Variants in SYT1 observed in about 807,000 individuals in gnomAD.
SYT1 encodes synaptotagmin-1.
In SYT1, 8 loss-of-function variants were observed where a neutral mutation model predicts 44.8. That is an observed-to-expected ratio of 0.18 (90% confidence interval 0.10 to 0.32). The LOEUF (loss-of-function observed/expected upper bound fraction) is 0.32. Among genes scored for constraint, SYT1 ranks in the 10% least tolerant of loss-of-function variants. The probability of loss-of-function intolerance (pLI) is 1.00; values close to 1 mark genes in which losing one functional copy is unlikely to be tolerated. For missense variants in SYT1, 286 were observed against 509.3 expected (o/e 0.56, Z 4.22); for synonymous variants, 154 against 188.8 (o/e 0.82, Z 1.51).
intron 3 of SYT1, among the ~76,000 whole-genome samples, chr12:79,165,295 C>G (rs956139308): frequency 6.6e-6 from 1 of 151,776 alleles, no homozygotes; most frequent in African/African-American, 2.4e-5. Context: ...AATTACATAG[C>G]TTATGTGGTA....
At chr12:79,009,888 G>A (rs1257288190) in intron 2 of SYT1, among the ~76,000 whole-genome samples, 5 of 151,966 alleles carry the variant, frequency 3.3e-5, no homozygotes, top group Non-Finnish European at 7.4e-5. Flanking sequence ...TAGCACAGAC[G>A]GCATCCTCTA....
At chr12:79,116,658 A>G (rs750556508) in intron 3 of SYT1, among the ~76,000 whole-genome samples, 5 of 152,150 alleles carry the variant, frequency 3.3e-5, no homozygotes, top group Non-Finnish European at 7.4e-5. Context: ...AGTCTTTCCC[A>G]TATTCTTCCC....
chr12:79,396,360 A>G (rs1451876408), intron 9 of SYT1, among the ~76,000 whole-genome samples: 1 of 152,216 alleles, frequency 6.6e-6, no homozygotes, highest in Non-Finnish European at 1.5e-5. Flanking sequence ...TATTAAATGT[A>G]TAAGTATTAA....
At chr12:79,143,380 T>C (rs932812383) in intron 3 of SYT1, among the ~76,000 whole-genome samples, 3 of 152,242 alleles carry the variant, frequency 2.0e-5, no homozygotes, top group African/African-American at 7.2e-5. Flanking sequence ...TAACTTTCAC[T>C]GGTTTATATC....
rs1189677370 is a variant in SYT1 at position 79,450,279 on chromosome 12, G to GAAAAAC, written c.*1168_*1173dup. The GAAAAAC allele has an allele frequency of 3.9e-5, 6 of 152,374 alleles. No homozygotes were observed. Among genetic ancestry groups the GAAAAAC allele is most frequent in the Admixed American group, 3.3e-4 (5 of 15,260 alleles). 9.4% of individuals were successfully genotyped at this position (152,374 alleles called of 1,614,324 possible). A position where few individuals can be genotyped will look rare whatever the true frequency, so the allele number is the denominator to read the frequency against. ...ATTGTAATCCCATCAAAAGATGAAA[G>GAAAAAC]AAAAACAAAAACAAAAACCAACAAC... is the stretch of plus-strand genomic sequence containing the variant. On this transcript the variant is annotated 3_prime_UTR_variant, in exon 11 of 11. Coordinates refer to ENST00000261205, the MANE Select transcript of SYT1 (RefSeq NM_005639.3).
chr12:79,288,120 T>C (rs2138837481), intron 5 of SYT1, among the ~76,000 whole-genome samples: 1 of 152,232 alleles, frequency 6.6e-6, no homozygotes, highest in South Asian at 2.1e-4. Context: ...ATGCTACTTT[T>C]TGAAGCAGAC....
chr12:79,239,980 C>T (rs558876198), intron 4 of SYT1, among the ~76,000 whole-genome samples: 1 of 152,336 alleles, frequency 6.6e-6, no homozygotes, highest in South Asian at 2.1e-4. Context: ...TCACCCAGGA[C>T]AGTCTCCCTT....
intron 2 of SYT1, among the ~76,000 whole-genome samples, chr12:78,982,933 A>G (rs1052229439): frequency 7.2e-5 from 11 of 152,126 alleles, no homozygotes; most frequent in African/African-American, 2.2e-4. Context: ...TTATTCTTCA[A>G]ACCTTCTTGT....
intron 4 of SYT1, among the ~76,000 whole-genome samples, chr12:79,257,132 T>C (rs1229624095): frequency 1.3e-5 from 2 of 152,222 alleles, no homozygotes; most frequent in African/African-American, 4.8e-5. Context: ...CAATTTTATC[T>C]GAAACTGAAG....
chr12:79,360,024 T>C (rs988703835), intron 9 of SYT1, among the ~76,000 whole-genome samples: 4 of 152,092 alleles, frequency 2.6e-5, no homozygotes, highest in Non-Finnish European at 5.9e-5. Flanking sequence ...TGTGACTGAG[T>C]ATCTAGGGGT....
At chr12:78,885,795 C>T (rs1592525131) in intron 1 of SYT1, among the ~76,000 whole-genome samples, 1 of 151,968 alleles carries the variant, frequency 6.6e-6, no homozygotes, top group African/African-American at 2.4e-5. Context: ...ATGAGTAACA[C>T]ATCCAACTTT....
intron 3 of SYT1, among the ~76,000 whole-genome samples, chr12:79,104,449 A>C (rs796542208): frequency 3.3e-5 from 5 of 152,230 alleles, no homozygotes; most frequent in African/African-American, 1.2e-4. Flanking sequence ...AATTTAGAGA[A>C]AAAAGTGACC....
intron 3 of SYT1, among the ~76,000 whole-genome samples, chr12:79,188,341 C>A (rs1161943807): frequency 6.6e-6 from 1 of 152,100 alleles, no homozygotes. Flanking sequence ...CATCTGAGTG[C>A]AAGATTTTTG....
chr12:79,284,825 G>A (rs529794678), intron 4 of SYT1, among the ~76,000 whole-genome samples: 38 of 143,026 alleles, frequency 2.7e-4, no homozygotes, highest in African/African-American at 8.4e-4. Context: ...GCAAGAGAGC[G>A]AGACTCCATC....
At chr12:79,128,657 C>T (rs1868599085) in intron 3 of SYT1, among the ~76,000 whole-genome samples, 1 of 152,216 alleles carries the variant, frequency 6.6e-6, no homozygotes, top group African/African-American at 2.4e-5. Flanking sequence ...ATCCCAATTT[C>T]TTTATAGAAC....
chr12:79,443,022 T>C (rs550087996), intron 9 of SYT1, among the ~76,000 whole-genome samples: 60 of 152,294 alleles, frequency 3.9e-4, no homozygotes, highest in Non-Finnish European at 7.1e-4. Context: ...TGAGCATTGG[T>C]TTCTAGTGAC....
At chr12:79,405,270 A>G (rs1885203483) in intron 9 of SYT1, among the ~76,000 whole-genome samples, 2 of 152,296 alleles carry the variant, frequency 1.3e-5, no homozygotes, top group Middle Eastern at 3.4e-3. Context: ...AGAAGCTCAT[A>G]GAATCAAAAG....
chr12:79,304,468 T>C (rs570512390), intron 8 of SYT1, among the ~76,000 whole-genome samples: 5 of 152,318 alleles, frequency 3.3e-5, no homozygotes, highest in Admixed American at 2.6e-4. Flanking sequence ...AAATCAACCT[T>C]GTTATTGTTT....
chr12:79,024,329 T>C (rs1872387415), intron 2 of SYT1, among the ~76,000 whole-genome samples: 1 of 151,812 alleles, frequency 6.6e-6, no homozygotes, highest in Non-Finnish European at 1.5e-5. Context: ...TTGTGCCTAT[T>C]GACTAATGTC....
Sources: allele counts gnomAD v4.1 joint callset (sites outside exome capture counted in the v4.1 genomes callset), GRCh38; gene constraint gnomAD v4.1.1; transcripts MANE v1.5; gene names NCBI Gene and HGNC (gene_info 2026-07-23, HGNC 2026-07-21).